Variants in RASA3 observed in about 807,000 individuals in gnomAD.
The protein encoded by RASA3 is ras GTPase-activating protein 3.
A neutral mutation model predicts 110.0 loss-of-function variants in RASA3; 73 were observed. The ratio of observed to expected loss-of-function variants is 0.66; its 90% CI spans 0.55 to 0.81. The LOEUF (loss-of-function observed/expected upper bound fraction) is 0.81. RASA3 is among the 30% of genes least tolerant of loss of function. The pLI is 0.00. For missense variants in RASA3, 976 were observed against 1,113.2 expected (o/e 0.88, Z 1.75); for synonymous variants, 500 against 451.4 (o/e 1.11, Z -1.37).
chr13:114,013,499 CT>C lies in RASA3; in HGVS notation c.1406-252del, dbSNP rs1566477716. 5.4e-5 allele frequency among the ~76,000 whole-genome samples: 8 copies of C among 146,856 alleles called. No individual in the cohort carries two copies. The East Asian group carries it at 1.3e-3, about 23-fold the overall frequency. ...TCTCTCCGTATCTCTGTCTCTCTCT[CT>C]CTCCCTCTATTTGTCTCTCTCTCAT... On this transcript the variant is annotated intron_variant, in intron 14 of 23. Transcript: ENST00000334062.
At chr13:114,025,813 C>A (rs2054015016) in intron 7 of RASA3, among the ~76,000 whole-genome samples, 1 of 152,216 alleles carries the variant, frequency 6.6e-6, no homozygotes, top group Admixed American at 6.5e-5. Context: ...GGGTCTGCTC[C>A]CAGTAGGTGG....
intron 21 of RASA3, among the ~76,000 whole-genome samples, chr13:113,995,397 A>T (rs1160576079): frequency 1.3e-5 from 2 of 152,232 alleles, no homozygotes; most frequent in Non-Finnish European, 2.9e-5. Flanking sequence ...CCCACCTCTG[A>T]GGCTGTGGGA....
Position 114,013,231 on chromosome 13 carries a change from A to G in RASA3, c.1423T>C (p.Tyr475His), listed in dbSNP as rs895071513. The change falls in exon 15 of 24, where the codon TAC becomes CAC. Residue 475 changes from tyrosine (Y) to histidine (H), a missense_variant. This residue lies in a region of RASA3 where 732 missense variants were observed against 779.7 expected (regional missense o/e 0.94). Transcript: ENST00000334062. ...KRFQDDPDVR[Y>H]TAVSSFIFLR... ...AAGATGAAGCTGCTCACTGCAGTGT[A>G]CCTGACGTCCGGGTCATCTGCGGGA... is the stretch of plus-strand genomic sequence containing the variant. 6.2e-7 allele frequency: 1 copy of G among 1,612,576 alleles called. No homozygotes were observed. Among genetic ancestry groups the G allele is most frequent in the Non-Finnish European group, 8.5e-7 (1 of 1,179,442 alleles).
chr13:113,996,774 G>C, intron 20 of RASA3, 35 bp from the exon 21 acceptor site: 2 of 1,580,766 alleles, frequency 1.3e-6, no homozygotes, highest in Non-Finnish European at 1.7e-6. Flanking sequence ...CAGCGCACAT[G>C]AGGTCTCGTG....
At chr13:114,044,574 G>A (rs2079021890) in intron 3 of RASA3, among the ~76,000 whole-genome samples, 1 of 123,956 alleles carries the variant, frequency 8.1e-6, no homozygotes, top group Admixed American at 8.3e-5. Flanking sequence ...GGGCGCCTTT[G>A]ACTTCAAGGG....
At chr13:114,077,083 G>C (rs1405663085) in intron 1 of RASA3, among the ~76,000 whole-genome samples, 1 of 152,188 alleles carries the variant, frequency 6.6e-6, no homozygotes, top group Non-Finnish European at 1.5e-5. Context: ...TGAAAGTCCT[G>C]TGGGAGATGG....
At chr13:114,116,099 G>A (rs1263891450) in intron 1 of RASA3, among the ~76,000 whole-genome samples, 1 of 152,228 alleles carries the variant, frequency 6.6e-6, no homozygotes, top group Non-Finnish European at 1.5e-5. Context: ...CGGGTCCCCT[G>A]TGGGCCTGTG....
chr13:114,105,887 G>T (rs1476857189), intron 1 of RASA3, among the ~76,000 whole-genome samples: 3 of 152,208 alleles, frequency 2.0e-5, no homozygotes, highest in Admixed American at 2.0e-4. Context: ...ACACAGTGGG[G>T]GAATCAGCGT....
intron 1 of RASA3, among the ~76,000 whole-genome samples, chr13:114,097,078 C>CGGAAG (rs1361346484): frequency 1.3e-5 from 2 of 152,210 alleles, no homozygotes; most frequent in Non-Finnish European, 1.5e-5. Flanking sequence ...GGCTGTGGCA[C>CGGAAG]TTCCCCTTCC....
chr13:114,130,320 G>A (rs1224228945), intron 1 of RASA3, among the ~76,000 whole-genome samples: 1 of 152,204 alleles, frequency 6.6e-6, no homozygotes, highest in Admixed American at 6.5e-5. Context: ...AGAGAGTCGG[G>A]CAGCTGGCAT....
intron 21 of RASA3, among the ~76,000 whole-genome samples, chr13:113,994,940 C>G (rs2053198120): frequency 6.6e-6 from 1 of 152,224 alleles, no homozygotes; most frequent in African/African-American, 2.4e-5. Context: ...CACCACTGTA[C>G]TCCAGCCCGG....
At chr13:114,120,500 C>A (rs1187115334) in intron 1 of RASA3, among the ~76,000 whole-genome samples, 1 of 60,806 alleles carries the variant, frequency 1.6e-5, no homozygotes, top group East Asian at 4.8e-4. Context: ...CGATCAGGGC[C>A]CCCCCTCCTC....
chr13:114,061,400 G>C (rs550803609), intron 2 of RASA3, among the ~76,000 whole-genome samples: 1 of 152,108 alleles, frequency 6.6e-6, no homozygotes, highest in Non-Finnish European at 1.5e-5. Flanking sequence ...GCTCTTTAAG[G>C]GTGATGGGTT....
chr13:114,117,351 CGTGT>C (rs1396779808), intron 1 of RASA3, among the ~76,000 whole-genome samples: 3 of 124,228 alleles, frequency 2.4e-5, no homozygotes, highest in East Asian at 2.7e-4. Context: ...GAGGAGAGCA[CGTGT>C]GTGAGGGGTG....
At chr13:114,102,310 C>T (rs539561255) in intron 1 of RASA3, among the ~76,000 whole-genome samples, 11 of 152,168 alleles carry the variant, frequency 7.2e-5, no homozygotes, top group East Asian at 5.8e-4. Context: ...GCCCAGAGGG[C>T]GGCAGAGCAG....
In RASA3 at chr13:113,979,233, G is replaced by A; in HGVS notation, c.*114C>T. ...CCCAGCGCCACTTGTCTATGGGCCGGGACGGCGTGCATCTCACTTTGCCGG... is the reference window on the plus strand; with the variant it reads ...CCCAGCGCCACTTGTCTATGGGCCGAGACGGCGTGCATCTCACTTTGCCGG... On this transcript the variant is annotated 3_prime_UTR_variant, in exon 24 of 24. Transcript: ENST00000334062. The A allele has an allele frequency of 9.5e-7, 1 of 1,050,466 alleles. No homozygotes were observed. The highest frequency in any genetic ancestry group is 1.7e-5 in the Admixed American group (1 of 57,388). The allele number at this position is 1,050,466 out of a possible 1,614,324, so 65.1% of individuals were successfully genotyped here.
chr13:114,073,804 G>T lies in RASA3; in HGVS notation c.89C>A (p.Pro30Gln), dbSNP rs973336278. 2 of 1,614,210 alleles carry T rather than the reference G, an allele frequency of 1.2e-6. No homozygotes were observed. Among genetic ancestry groups the T allele is most frequent in the Non-Finnish European group, 1.7e-6 (2 of 1,180,046 alleles). Residue 30 changes from proline to glutamine, a missense_variant, in exon 2 of 24, where the codon CCG becomes CAG. Pro to Gln is a moderately conservative substitution (Grantham distance 76). Transcript: ENST00000334062. Reference protein sequence around the residue: ...EAKNLPSYPGPSKMRDCYCTV... With the variant: ...EAKNLPSYPGQSKMRDCYCTV... ...GCAGTAGCAATCCCTCATCTTGCTCGGCCCCGGGTAAGAGGGAAGGTTTTT... is the reference window on the plus strand; with the variant it reads ...GCAGTAGCAATCCCTCATCTTGCTCTGCCCCGGGTAAGAGGGAAGGTTTTT...
In RASA3 at chr13:114,096,524, A is replaced by G. The variant is rs963012278; in HGVS notation, c.56-22687T>C. Among the ~76,000 whole-genome samples the G allele has an allele frequency of 2.0e-5, 3 of 152,042 alleles. No homozygotes were observed. Among genetic ancestry groups the G allele is most frequent in the African/African-American group, 4.8e-5 (2 of 41,392 alleles). On this transcript the variant is annotated intron_variant, in intron 1 of 23. Transcript: ENST00000334062. This position sits in a 1 kb window ranked among gnomAD's most constrained non-coding sequence, Gnocchi z 5.1. The stretch of plus-strand genomic sequence containing the variant: ...GAGTATGAGCTCTGGCTGACCATCC[A>G]TGTCCTGGGTACAACTCACCCTCCT...
At chr13:114,127,851 G>C (rs956665734) in intron 1 of RASA3, among the ~76,000 whole-genome samples, 3 of 152,180 alleles carry the variant, frequency 2.0e-5, no homozygotes, top group Non-Finnish European at 2.9e-5. Context: ...AAATCCGTGG[G>C]TCTCCCTTTC....
Sources: allele counts gnomAD v4.1 joint callset (sites outside exome capture counted in the v4.1 genomes callset), GRCh38; gene constraint gnomAD v4.1.1; regional missense constraint gnomAD v4.1.1; non-coding constraint Gnocchi (gnomAD v3.1); transcripts MANE v1.5; gene names NCBI Gene and HGNC (gene_info 2026-07-23, HGNC 2026-07-21).